Variants in ZBTB7C observed in about 807,000 individuals in gnomAD.
The protein encoded by ZBTB7C is zinc finger and BTB domain containing 7C, also known as zinc finger and BTB domain-containing protein 7C.
Under a neutral mutation model 25.7 loss-of-function variants are expected in ZBTB7C, and 8 were observed. That is an observed-to-expected ratio of 0.31 (90% CI 0.18 to 0.56). The LOEUF (loss-of-function observed/expected upper bound fraction) is 0.56. ZBTB7C is among the 20% of genes least tolerant of loss of function. The pLI, the probability that ZBTB7C is intolerant of heterozygous loss-of-function variation, is 0.91. For synonymous variants in ZBTB7C, 394 were observed against 369.0 expected (o/e 1.07, Z -0.78); for missense variants, 824 against 855.2 (o/e 0.96, Z 0.46).
At chr18:48,098,507 C>T (rs1030003065) in intron 3 of ZBTB7C, among the ~76,000 whole-genome samples, 7 of 152,176 alleles carry the variant, frequency 4.6e-5, no homozygotes, top group Non-Finnish European at 8.8e-5. Flanking sequence ...CTCAGATGGT[C>T]TCGGTTTCCA....
At chr18:48,085,464 G>A (rs950563535) in intron 3 of ZBTB7C, among the ~76,000 whole-genome samples, 2 of 152,256 alleles carry the variant, frequency 1.3e-5, no homozygotes, top group East Asian at 3.9e-4. Context: ...GATGTGAAAA[G>A]GCAGCCCTAG....
intron 3 of ZBTB7C, among the ~76,000 whole-genome samples, chr18:48,117,337 AATGCTGAACTGAGAGAC>A (rs1289351386): frequency 6.6e-6 from 1 of 152,168 alleles, no homozygotes; most frequent in African/African-American, 2.4e-5. Flanking sequence ...GGCGTGAATA[AATGCTGAACTGAGAGAC>A]AAGTGGAAGT....
intron 2 of ZBTB7C, among the ~76,000 whole-genome samples, chr18:48,281,933 G>C (rs71355055): frequency 0.18 from 19,899 of 111,402 alleles, 1,351 homozygotes; most frequent in African/African-American, 0.29. Flanking sequence ...ACTAGAAATA[G>C]CATTTGACCC....
chr18:48,254,442 A>G (rs1281910874), intron 2 of ZBTB7C, among the ~76,000 whole-genome samples: 3 of 152,090 alleles, frequency 2.0e-5, no homozygotes. Context: ...GGTTGAACCA[A>G]TCTGTGGGCC....
At chr18:48,303,819 G>A (rs996270803) in intron 2 of ZBTB7C, among the ~76,000 whole-genome samples, 1 of 152,192 alleles carries the variant, frequency 6.6e-6, no homozygotes, top group African/African-American at 2.4e-5. Context: ...CTTTTTCAAG[G>A]TGAAACCAAA....
intron 3 of ZBTB7C, among the ~76,000 whole-genome samples, chr18:48,119,135 C>G (rs1368098764): frequency 6.6e-6 from 1 of 151,922 alleles, no homozygotes; most frequent in Middle Eastern, 3.2e-3. Context: ...TCCCAAGACT[C>G]TGCATTTCCA....
At chr18:48,349,500 G>C (rs2046815701) in intron 1 of ZBTB7C, among the ~76,000 whole-genome samples, 1 of 151,692 alleles carries the variant, frequency 6.6e-6, no homozygotes, top group African/African-American at 2.4e-5. Context: ...CCCTACATAA[G>C]GGGGCGTGTG....
chr18:48,200,161 T>C (rs760637880), intron 2 of ZBTB7C, among the ~76,000 whole-genome samples: 23 of 152,066 alleles, frequency 1.5e-4, no homozygotes, highest in Admixed American at 4.6e-4. Context: ...GACACTGGGA[T>C]TTCCCAAGGG....
At chr18:48,349,568 A>G (rs1269110654) in intron 1 of ZBTB7C, among the ~76,000 whole-genome samples, 1 of 152,234 alleles carries the variant, frequency 6.6e-6, no homozygotes, top group African/African-American at 2.4e-5. Context: ...GAGTCACCCA[A>G]TCTTGGAGTG....
chr18:48,207,570 CATCTATCTATCTATCT>C (rs35634878), intron 2 of ZBTB7C, among the ~76,000 whole-genome samples: 3,649 of 147,094 alleles, frequency 0.025, 57 homozygotes, highest in South Asian at 0.042. Flanking sequence ...CACTGCCTAT[CATCTATCTATCTATCT>C]ATCTATCTAT....
chr18:48,096,168 A>G (rs1010545568), intron 3 of ZBTB7C, among the ~76,000 whole-genome samples: 1 of 152,232 alleles, frequency 6.6e-6, no homozygotes, highest in Non-Finnish European at 1.5e-5. Flanking sequence ...TAGCAGGAAA[A>G]GGAAAAAGGG....
chr18:48,327,308 T>C (rs2046242808), intron 2 of ZBTB7C, among the ~76,000 whole-genome samples: 1 of 152,184 alleles, frequency 6.6e-6, no homozygotes, highest in Non-Finnish European at 1.5e-5. Context: ...TGATGCCCTG[T>C]GGTTCCAGGA....
intron 3 of ZBTB7C, among the ~76,000 whole-genome samples, chr18:48,052,338 T>C (rs920141427): frequency 3.3e-5 from 5 of 152,226 alleles, no homozygotes; most frequent in African/African-American, 1.2e-4. Context: ...TTGCTAGTTA[T>C]TGAAGAGGTT....
chr18:48,320,372 G>A (rs572324331), intron 2 of ZBTB7C, among the ~76,000 whole-genome samples: 1 of 152,330 alleles, frequency 6.6e-6, no homozygotes, highest in South Asian at 2.1e-4. Flanking sequence ...ACATGGTGGG[G>A]AGAGGGCACT....
intron 2 of ZBTB7C, among the ~76,000 whole-genome samples, chr18:48,319,448 G>A (rs991399271): frequency 2.0e-5 from 3 of 152,134 alleles, no homozygotes; most frequent in Admixed American, 6.5e-5. Flanking sequence ...TGTTAGCTAC[G>A]ATTATGACCT....
chr18:48,369,984 A>G (rs1358395059), intron 1 of ZBTB7C, among the ~76,000 whole-genome samples: 1 of 152,228 alleles, frequency 6.6e-6, no homozygotes, highest in African/African-American at 2.4e-5. Context: ...AAGACAGATC[A>G]TATCCTGGGC....
intron 3 of ZBTB7C, among the ~76,000 whole-genome samples, chr18:48,078,934 GTTCATTCATTCA>G (rs61032572): frequency 2.0e-5 from 3 of 152,024 alleles, no homozygotes; most frequent in Admixed American, 6.5e-5. Flanking sequence ...ATCACAATTT[GTTCATTCATTCA>G]TTCATTCATT....
chr18:48,386,048 A>G (rs1333252043), intron 1 of ZBTB7C, among the ~76,000 whole-genome samples: 2 of 152,198 alleles, frequency 1.3e-5, no homozygotes, highest in Non-Finnish European at 2.9e-5. Context: ...TTCCTTACCC[A>G]TTATCCTCCA....
chr18:48,075,409 T>G (rs2037724633), intron 3 of ZBTB7C, among the ~76,000 whole-genome samples: 1 of 152,082 alleles, frequency 6.6e-6, no homozygotes, highest in African/African-American at 2.4e-5. Context: ...AGAAGCCAGA[T>G]GGAAATGGGA....
Sources: allele counts gnomAD v4.1 joint callset (sites outside exome capture counted in the v4.1 genomes callset), GRCh38; gene constraint gnomAD v4.1.1; transcripts MANE v1.5; gene names NCBI Gene and HGNC (gene_info 2026-07-23, HGNC 2026-07-21).